The following CAPG variants were observed in gnomAD, a reference collection of about 807,000 sequenced individuals.
The protein encoded by CAPG is capping actin protein, gelsolin like, also known as macrophage-capping protein.
In CAPG, 32 loss-of-function variants were observed where a neutral mutation model predicts 44.6. The ratio of observed to expected loss-of-function variants is 0.72; its 90% CI spans 0.54 to 0.96. The LOEUF is 0.96. CAPG is among the 50% of genes least tolerant of loss of function. The pLI is 0.00. For missense variants in CAPG, 412 were observed against 438.3 expected, an observed-to-expected ratio of 0.94 and a Z score of 0.54; for synonymous variants, 175 against 179.6, an observed-to-expected ratio of 0.97 and a Z score of 0.20.
exon 1 of CAPG, chr2:85,418,279 C>G (rs1687616976): frequency 6.6e-6 from 1 of 152,234 alleles, no homozygotes; most frequent in African/African-American, 2.4e-5. Context: ...AGAGGTCAGT[C>G]CCGCAGGCGT....
At chr2:85,402,666 A>G (rs1686960644) in intron 1 of CAPG, among the ~76,000 whole-genome samples, 1 of 151,898 alleles carries the variant, frequency 6.6e-6, no homozygotes, top group African/African-American at 2.4e-5. Context: ...GGGTTTTGCC[A>G]TGTTGCCCAG....
chr2:85,412,995 A>C (rs1687461520), upstream of CAPG: 1 of 152,238 alleles, frequency 6.6e-6, no homozygotes, highest in Non-Finnish European at 1.5e-5. Flanking sequence ...TGCCATCAGC[A>C]CCTGAGGTAG....
In CAPG at chr2:85,398,399, A is replaced by C. The variant is rs531250195; in HGVS notation, c.760-247T>G. On this transcript the variant is annotated intron_variant, in intron 7 of 9. Transcript: ENST00000263867. ...CCATTTGGAAATTAGGTGGATTCCAAATTACAAAGAAATGCACAGAATTCA... is the reference window on the plus strand; with the variant it reads ...CCATTTGGAAATTAGGTGGATTCCACATTACAAAGAAATGCACAGAATTCA... The C allele has an allele frequency of 4.4e-5, 26 of 587,236 alleles. No homozygotes were observed. The South Asian group carries it at 5.2e-4, about 12-fold the overall frequency. 36.4% of individuals were successfully genotyped at this position (587,236 alleles called of 1,614,324 possible). A position where few individuals can be genotyped will look rare whatever the true frequency, so the allele number is the denominator to read the frequency against.
downstream of CAPG, among the ~76,000 whole-genome samples, chr2:85,392,041 C>G (rs1021649192): frequency 6.6e-6 from 1 of 152,254 alleles, no homozygotes; most frequent in African/African-American, 2.4e-5. Flanking sequence ...GGCATCCACA[C>G]CACGTTTTTC....
chr2:85,409,610 C>T (rs576085168), intron 1 of CAPG, among the ~76,000 whole-genome samples: 2 of 151,958 alleles, frequency 1.3e-5, no homozygotes, highest in Non-Finnish European at 2.9e-5. Flanking sequence ...TGCCCACCCT[C>T]GAAACCAAAC....
At chr2:85,401,079 C>T in intron 5 of CAPG, 86 bp downstream of exon 5, 1 of 1,314,478 alleles carries the variant, frequency 7.6e-7, no homozygotes, top group East Asian at 2.3e-5. Flanking sequence ...TTCTCAGCTT[C>T]TCTCCCTCTT....
Position 85,395,065 on chromosome 2 carries a change from G to C in CAPG, c.982-107C>G. The C allele has an allele frequency of 1.3e-6, 1 of 764,612 alleles. No homozygotes were observed. The highest frequency in any genetic ancestry group is 2.6e-5 in the East Asian group (1 of 38,072). The allele number at this position is 764,612 out of a possible 1,614,324, so 47.4% of individuals were successfully genotyped here. A position where few individuals can be genotyped will look rare whatever the true frequency, so the allele number is the denominator to read the frequency against. On this transcript the variant is annotated intron_variant, in intron 9 of 9. Transcript: ENST00000263867. The surrounding 1 kb of genome is among the most constrained non-coding windows in gnomAD (Gnocchi z 4.3). ...CCAGGGAGGAGGGTGTGGGCGCCTG[G>C]CCTGAATCCATGTGCAGTCCAGGCT...
intron 1 of CAPG, among the ~76,000 whole-genome samples, chr2:85,408,138 T>C (rs1573189889): frequency 6.6e-6 from 1 of 151,174 alleles, no homozygotes; most frequent in Admixed American, 6.6e-5. Context: ...AGATTAGGAG[T>C]TCAAGACCAG....
intron 1 of CAPG, among the ~76,000 whole-genome samples, chr2:85,416,210 T>C (rs1355509699): frequency 6.6e-6 from 1 of 152,242 alleles, no homozygotes; most frequent in Non-Finnish European, 1.5e-5. Flanking sequence ...AGCTTTCTGC[T>C]TCTGTGCCCA....
intron 1 of CAPG, among the ~76,000 whole-genome samples, chr2:85,408,338 T>TCTCACACACACACA (rs1425371847): frequency 1.2e-4 from 15 of 129,490 alleles, no homozygotes; most frequent in African/African-American, 3.3e-4. Context: ...GAAGAATCTG[T>TCTCACACACACACA]CACACACACA....
chr2:85,395,522 G>A lies in CAPG; in HGVS notation c.981+16C>T. 6.2e-7 allele frequency: 1 copy of A among 1,606,806 alleles called. No individual in the cohort carries two copies. Among genetic ancestry groups the A allele is most frequent in the African/African-American group, 1.3e-5 (1 of 74,922 alleles). On this transcript the variant is annotated intron_variant, in intron 9 of 9. Transcript: ENST00000263867. The surrounding 1 kb of genome is among the most constrained non-coding windows in gnomAD (Gnocchi z 4.3). Reference sequence around the variant, plus strand: ...GAGCCCTAGGAAGAGGGCTGTGGTTGTGCGCATCTCCTCACCTGAGTGTTC... The same window carrying A: ...GAGCCCTAGGAAGAGGGCTGTGGTTATGCGCATCTCCTCACCTGAGTGTTC...
At chr2:85,406,613 CT>C (rs1687170422) in intron 1 of CAPG, among the ~76,000 whole-genome samples, 1 of 152,000 alleles carries the variant, frequency 6.6e-6, no homozygotes, top group African/African-American at 2.4e-5. Context: ...AATCCCAGCA[CT>C]TTGGGAGGCC....
intron 1 of CAPG, chr2:85,408,606 T>C (rs1335559249): frequency 1.3e-5 from 2 of 152,242 alleles, no homozygotes; most frequent in African/African-American, 2.4e-5. Flanking sequence ...GTCTATTCCA[T>C]TCCACTCAAC....
rs41290029 is a variant in CAPG, at chr2:85,401,961, C to T, written c.24-4G>A. ...TGAGCCTGGGAATGGAGAGCCACTG[C>T]GAGAAGAGAGAGGGTTGACAGCAGC... On this transcript the variant is annotated splice_polypyrimidine_tract_variant and splice_region_variant and intron_variant, in intron 2 of 9. Coordinates refer to ENST00000263867, the MANE Select transcript of CAPG (RefSeq NM_001747.4). 1.1e-4 allele frequency: 170 copies of T among 1,614,012 alleles called. No individual in the cohort carries two copies. Among genetic ancestry groups the T allele is most frequent in the Non-Finnish European group, 1.2e-4 (146 of 1,179,960 alleles).
intron 1 of CAPG, among the ~76,000 whole-genome samples, chr2:85,402,363 A>C (rs760653642): frequency 1.3e-5 from 2 of 152,148 alleles, no homozygotes; most frequent in East Asian, 3.9e-4. Flanking sequence ...TGGTTCATGG[A>C]AATAAGGTCT....
chr2:85,399,164 T>A lies in CAPG; in HGVS notation c.638A>T (p.Asp213Val). Residue 213 changes from aspartate (D) to valine (V), a missense_variant, in exon 6 of 10, where the codon GAT becomes GTT. Coordinates refer to ENST00000263867, the MANE Select transcript of CAPG (RefSeq NM_001747.4). Reference protein sequence around the residue: ...QGKAQVEIVTDGEEPAEMIQV... With the variant: ...QGKAQVEIVTVGEEPAEMIQV... The stretch of plus-strand genomic sequence containing the variant: ...GATCATCTCAGCAGGCTCCTCCCCA[T>A]CAGTGACAATCTCCACCTGGGCCTT... The A allele has an allele frequency of 6.2e-7, 1 of 1,614,164 alleles. No homozygotes were observed. Among genetic ancestry groups the A allele is most frequent in the Non-Finnish European group, 8.5e-7 (1 of 1,179,990 alleles).
At chr2:85,398,582 C>G in intron 7 of CAPG, 108 bp downstream of exon 7, 1 of 923,452 alleles carries the variant, frequency 1.1e-6, no homozygotes, top group East Asian at 2.6e-5. Flanking sequence ...CGGTTCCAGC[C>G]CCACCTTCCC....
Position 85,399,269 on chromosome 2 carries a change from C to T in CAPG, c.533G>A (p.Cys178Tyr), listed in dbSNP as rs1205760506. 3 of 1,614,156 alleles carry T rather than the reference C, an allele frequency of 1.9e-6. No individual in the cohort carries two copies. The African/African-American group carries it at 4.0e-5, about 22-fold the overall frequency. The change falls in exon 6 of 10, where the codon TGT (cysteine) becomes TAT (tyrosine). Residue 178 changes from cysteine (C) to tyrosine (Y), a missense_variant. Transcript: ENST00000263867. ...LDLGQNIFAW[C>Y]GGKSNILERN... ...TTCCAGGATGTTGGACTTTCCACCACACCAGGCGAAGATGTTCTGCAAGGA... is the reference window on the plus strand; with the variant it reads ...TTCCAGGATGTTGGACTTTCCACCATACCAGGCGAAGATGTTCTGCAAGGA...
intron 1 of CAPG, among the ~76,000 whole-genome samples, chr2:85,406,086 G>C (rs974220363): frequency 2.0e-5 from 3 of 152,062 alleles, no homozygotes; most frequent in African/African-American, 7.2e-5. Context: ...CAGTTCACTT[G>C]AGGTCAGGAG....
Sources: allele counts gnomAD v4.1 joint callset (sites outside exome capture counted in the v4.1 genomes callset), GRCh38; gene constraint gnomAD v4.1.1; non-coding constraint Gnocchi (gnomAD v3.1); transcripts MANE v1.5; gene names NCBI Gene and HGNC (gene_info 2026-07-23, HGNC 2026-07-21).